STK32B: variants seen among roughly 807,000 people sequenced by gnomAD.
The protein encoded by STK32B is serine/threonine kinase 32B.
In STK32B, 43 loss-of-function variants were observed where a neutral mutation model predicts 52.6. The ratio of observed to expected loss-of-function variants is 0.82; its 90% CI spans 0.64 to 1.05. STK32B has a LOEUF of 1.05. STK32B is among the 50% of genes least tolerant of loss of function. STK32B has a pLI of 0.00. For missense variants in STK32B, 621 were observed against 534.6 expected (o/e 1.16, Z -1.59); for synonymous variants, 238 against 204.3 (o/e 1.17, Z -1.41).
At chr4:5,097,832 T>C (rs566332102) in intron 1 of STK32B, among the ~76,000 whole-genome samples, 12 of 152,242 alleles carry the variant, frequency 7.9e-5, no homozygotes, top group Non-Finnish European at 1.6e-4. Flanking sequence ...TAAAACCCAA[T>C]GGCTTAAAAC....
chr4:5,111,853 A>G (rs1280747928), intron 1 of STK32B, among the ~76,000 whole-genome samples: 1 of 152,148 alleles, frequency 6.6e-6, no homozygotes, highest in Non-Finnish European at 1.5e-5. Context: ...TCCATGTGCA[A>G]ATAGCTTGTT....
chr4:5,321,809 C>G (rs993327355), intron 3 of STK32B, among the ~76,000 whole-genome samples: 3 of 152,284 alleles, frequency 2.0e-5, no homozygotes, highest in East Asian at 1.9e-4. Flanking sequence ...GCTCCTGCCC[C>G]CAACTGCCTC....
chr4:5,426,692 CA>C (rs746246839), intron 6 of STK32B, among the ~76,000 whole-genome samples: 1,034 of 77,946 alleles, frequency 0.013, 7 homozygotes, highest in Middle Eastern at 0.067. Context: ...TCCATCTAAA[CA>C]AAAAAAAAAA....
rs575586126 is a variant in STK32B, at chr4:5,224,144, TG to T, written c.260+55700del. Among the ~76,000 whole-genome samples, 14 of 152,330 alleles carry T rather than the reference TG, an allele frequency of 9.2e-5. No homozygotes were observed. The East Asian group carries it at 2.5e-3, about 27-fold the overall frequency. On this transcript the variant is annotated intron_variant, in intron 3 of 11. Coordinates refer to ENST00000282908, the MANE Select transcript of STK32B (RefSeq NM_018401.3). ...TTGATTCTGGGATGAATTAAGATTT[TG>T]GGGGGCTATTGGGATGAAATGATTA...
chr4:5,315,803 C>G (rs1401057313), intron 3 of STK32B, among the ~76,000 whole-genome samples: 2 of 150,898 alleles, frequency 1.3e-5, no homozygotes, highest in African/African-American at 4.9e-5. Context: ...CTCCTGGGTT[C>G]AAGCTATTCT....
chr4:5,426,163 T>C (rs1017288322), intron 6 of STK32B, among the ~76,000 whole-genome samples: 1 of 152,112 alleles, frequency 6.6e-6, no homozygotes, highest in Admixed American at 6.6e-5. Flanking sequence ...GCCAAACTGG[T>C]TTCTAGAATG....
chr4:5,440,115 AAGT>A (rs1714573025), intron 6 of STK32B, among the ~76,000 whole-genome samples: 1 of 152,052 alleles, frequency 6.6e-6, no homozygotes, highest in Non-Finnish European at 1.5e-5. Flanking sequence ...ATGAACTTTA[AAGT>A]AGTTTTTTCC....
At chr4:5,488,969 G>C (rs1236189132) in intron 11 of STK32B, among the ~76,000 whole-genome samples, 1 of 151,850 alleles carries the variant, frequency 6.6e-6, no homozygotes, top group Non-Finnish European at 1.5e-5. Context: ...TATACAGAAT[G>C]TTATATGTTA....
At chr4:5,250,411 C>T (rs1725838417) in intron 3 of STK32B, among the ~76,000 whole-genome samples, 1 of 149,778 alleles carries the variant, frequency 6.7e-6, no homozygotes, top group Admixed American at 6.7e-5. Context: ...CTCCCGGCTT[C>T]AAGAGATTCT....
intron 2 of STK32B, among the ~76,000 whole-genome samples, chr4:5,141,462 A>G (rs1208091088): frequency 6.6e-6 from 1 of 152,194 alleles, no homozygotes; most frequent in Non-Finnish European, 1.5e-5. Flanking sequence ...CCCAGGTCTT[A>G]GAGGACTTCT....
At chr4:5,106,444 C>G (rs1185059486) in intron 1 of STK32B, among the ~76,000 whole-genome samples, 1 of 152,104 alleles carries the variant, frequency 6.6e-6, no homozygotes, top group African/African-American at 2.4e-5. Context: ...TTACTATATT[C>G]TCAGTATTCC....
intron 1 of STK32B, among the ~76,000 whole-genome samples, chr4:5,131,272 C>T (rs989740241): frequency 9.2e-5 from 14 of 152,172 alleles, no homozygotes; most frequent in African/African-American, 2.7e-4. Flanking sequence ...TGACCACTCA[C>T]CCCATCTTTT....
At chr4:5,178,541 C>T (rs1364860709) in intron 3 of STK32B, among the ~76,000 whole-genome samples, 1 of 152,202 alleles carries the variant, frequency 6.6e-6, no homozygotes, top group Admixed American at 6.5e-5. Flanking sequence ...GAATTTCTTC[C>T]CCGAAAATGG....
Position 5,394,071 on chromosome 4 carries a change from G to T in STK32B, c.435-4136G>T, listed in dbSNP as rs754086794. Among the ~76,000 whole-genome samples the T allele has an allele frequency of 2.0e-5, 3 of 152,226 alleles. No individual in the cohort carries two copies. Among genetic ancestry groups the T allele is most frequent in the African/African-American group, 7.2e-5 (3 of 41,460 alleles). ...AGAAGCCCCCTGCCAAAAGACACAT[G>T]CAGAAACATCCTGGTGGCCCTGCTT... On this transcript the variant is annotated intron_variant, in intron 4 of 11. Transcript: ENST00000282908. The surrounding 1 kb of genome is among the most constrained non-coding windows in gnomAD (Gnocchi z 4.2).
chr4:5,201,361 C>T (rs1023202289), intron 3 of STK32B, among the ~76,000 whole-genome samples: 6 of 152,112 alleles, frequency 3.9e-5, no homozygotes, highest in Non-Finnish European at 7.4e-5. Flanking sequence ...TCCATGGGGC[C>T]GGACAGGTTC....
chr4:5,336,566 A>G (rs146862387), intron 4 of STK32B, among the ~76,000 whole-genome samples: 1,973 of 152,314 alleles, frequency 0.013, 17 homozygotes, highest in Middle Eastern at 0.02. Flanking sequence ...CATTTTTTTT[A>G]AATTCATGGA....
chr4:5,214,877 A>T (rs1480843001), intron 3 of STK32B, among the ~76,000 whole-genome samples: 1 of 152,236 alleles, frequency 6.6e-6, no homozygotes, highest in East Asian at 1.9e-4. Flanking sequence ...TTTTAAGAGG[A>T]AGCAAGAGAG....
chr4:5,484,629 T>C (rs1718994291), intron 11 of STK32B, among the ~76,000 whole-genome samples: 1 of 152,208 alleles, frequency 6.6e-6, no homozygotes, highest in Non-Finnish European at 1.5e-5. Flanking sequence ...GATCCTGTCA[T>C]TATGATGTTA....
chr4:5,173,991 T>C (rs1719609766), intron 3 of STK32B, among the ~76,000 whole-genome samples: 1 of 152,234 alleles, frequency 6.6e-6, no homozygotes, highest in African/African-American at 2.4e-5. Flanking sequence ...GGTGCTCCTG[T>C]ATTGGGTGCA....
Sources: allele counts gnomAD v4.1 joint callset (sites outside exome capture counted in the v4.1 genomes callset), GRCh38; gene constraint gnomAD v4.1.1; non-coding constraint Gnocchi (gnomAD v3.1); transcripts MANE v1.5; gene names NCBI Gene and HGNC (gene_info 2026-07-23, HGNC 2026-07-21).